CHID1: variants seen among roughly 807,000 people sequenced by gnomAD.
CHID1 encodes chitinase domain containing 1, also known as chitinase domain-containing protein 1.
In CHID1, 44 loss-of-function variants were observed where a neutral mutation model predicts 55.4. The observed-to-expected ratio is 0.79, with a 90% CI of 0.62 to 1.02. CHID1 has a LOEUF of 1.02. Ranked by LOEUF, CHID1 falls within the 50% of genes least tolerant of loss-of-function variation. The pLI, the probability that CHID1 is intolerant of heterozygous loss-of-function variation, is 0.00. For missense variants in CHID1, 491 were observed against 515.3 expected, an observed-to-expected ratio of 0.95 and a Z score of 0.46; for synonymous variants, 216 against 212.9, an observed-to-expected ratio of 1.01 and a Z score of -0.13.
chr11:881,110 T>C (rs1433570951), intron 10 of CHID1, among the ~76,000 whole-genome samples: 1 of 151,998 alleles, frequency 6.6e-6, no homozygotes, highest in East Asian at 1.9e-4. Context: ...AGTAGAGACA[T>C]GGAAGACGTA....
In CHID1 at chr11:904,732, CT is replaced by C. The variant is rs1852083094; in HGVS notation, c.84del (p.Ala29ProfsTer24). On this transcript the variant is annotated frameshift_variant, in exon 2 of 13. Coordinates refer to ENST00000323578, the MANE Select transcript of CHID1 (RefSeq NM_023947.4). LOFTEE classifies it high-confidence loss of function. Reference sequence around the variant, plus strand: ...TTCTCCAGCAGCGTCTTTGAGGCGGCTTTTTTGGCATCTGACTTTGACAGGG... The same window carrying C: ...TTCTCCAGCAGCGTCTTTGAGGCGGCTTTTTGGCATCTGACTTTGACAGGG... The part of the protein sequence containing the change: ...HTTLSKSDAK[K>X]AASKTLLEKS... 6.2e-7 allele frequency: 1 copy of C among 1,614,116 alleles called. No homozygotes were observed. The highest frequency in any genetic ancestry group is 8.5e-7 in the Non-Finnish European group (1 of 1,180,012).
upstream of CHID1, chr11:914,407 G>A (rs1020070394): frequency 4.5e-5 from 31 of 682,650 alleles, no homozygotes; most frequent in Middle Eastern, 3.0e-4. Flanking sequence ...CCTGTCTGCC[G>A]TGGGCATGGG....
intron 3 of CHID1, 40 bp downstream of exon 3, chr11:902,922 C>T (rs1191868294): frequency 6.3e-7 from 1 of 1,593,874 alleles, no homozygotes; most frequent in Non-Finnish European, 8.6e-7. Context: ...CCCACCTGAG[C>T]CTCAGGACCT....
chr11:874,398 G>C (rs553644660), intron 10 of CHID1, among the ~76,000 whole-genome samples: 3 of 152,196 alleles, frequency 2.0e-5, no homozygotes, highest in Non-Finnish European at 4.4e-5. Context: ...GGGAGGTGGA[G>C]GCTACAGTGA....
intron 1 of CHID1, 24 bp downstream of exon 1, chr11:910,751 G>C: frequency 1.7e-6 from 2 of 1,193,434 alleles, no homozygotes; most frequent in Middle Eastern, 2.6e-4. Flanking sequence ...AGGAGGAGCA[G>C]GGGCCGGCCG....
chr11:869,681 A>T lies in CHID1; in HGVS notation c.*177T>A. 1.6e-6 allele frequency: 1 copy of T among 629,580 alleles called. No individual in the cohort carries two copies. Among genetic ancestry groups the T allele is most frequent in the East Asian group, 2.7e-5 (1 of 36,484 alleles). 39.0% of individuals were successfully genotyped at this position (629,580 alleles called of 1,614,324 possible). A position where few individuals can be genotyped will look rare whatever the true frequency, so the allele number is the denominator to read the frequency against. ...TCAGGGTGTCCCCCAGCTAGGACTC[A>T]TCCAGGGCAGGGACCCCTCATGGGA... On this transcript the variant is annotated 3_prime_UTR_variant, in exon 13 of 13. Transcript: ENST00000323578.
intron 5 of CHID1, among the ~76,000 whole-genome samples, chr11:900,476 C>T (rs1851724560): frequency 6.6e-6 from 1 of 152,160 alleles, no homozygotes; most frequent in African/African-American, 2.4e-5. Context: ...GAGTCTCTCC[C>T]TTGGCAACTT....
intron 12 of CHID1, 66 bp downstream of exon 12, chr11:870,055 C>G: frequency 6.2e-7 from 1 of 1,608,942 alleles, no homozygotes; most frequent in South Asian, 1.1e-5. Context: ...GGACCCCAGG[C>G]CAGTGCCTGC....
chr11:870,734 C>T (rs1262281885), intron 10 of CHID1: 3 of 506,778 alleles, frequency 5.9e-6, no homozygotes, highest in Non-Finnish European at 1.1e-5. Context: ...AAGAAGCCAC[C>T]CCACCAAGTC....
rs1848973198 is a variant in CHID1, at chr11:868,167, A to AC, written c.*1690dup. On this transcript the variant is annotated 3_prime_UTR_variant, in exon 13 of 13. Coordinates refer to ENST00000323578, the MANE Select transcript of CHID1 (RefSeq NM_023947.4). ...ACCCTCCCAGACCTGCGTGTCCCCC[A>AC]CCCTCACTCCAACAGAAGCCACAGG... The AC allele has an allele frequency of 2.0e-5, 3 of 146,686 alleles. No homozygotes were observed. The South Asian group carries it at 6.6e-4, about 32-fold the overall frequency. The allele number at this position is 146,686 out of a possible 1,614,324, so 9.1% of individuals were successfully genotyped here.
At position 902,348 on chromosome 11, in the gene CHID1, C is replaced by T. The variant is rs1851882602; in HGVS notation, c.262-18G>A. Reference sequence around the variant, plus strand: ...CTGTTCCACTGGCAAAAGATGGAGACATCAGACGGAGGACAGGTGAGTGAG... The same window carrying T: ...CTGTTCCACTGGCAAAAGATGGAGATATCAGACGGAGGACAGGTGAGTGAG... On this transcript the variant is annotated intron_variant, in intron 3 of 12. Transcript: ENST00000323578. The T allele has an allele frequency of 1.9e-6, 3 of 1,606,992 alleles. No individual in the cohort carries two copies. The highest frequency in any genetic ancestry group is 2.2e-5 in the East Asian group (1 of 44,656).
At chr11:896,919 A>G (rs1352327262) in intron 7 of CHID1, among the ~76,000 whole-genome samples, 1 of 29,828 alleles carries the variant, frequency 3.4e-5, no homozygotes, top group Non-Finnish European at 5.7e-5. Flanking sequence ...CACCCCAGAC[A>G]CGAGCCTGTC....
At position 903,805 on chromosome 11, in the gene CHID1, C is replaced by T. The variant is rs1852004037; in HGVS notation, c.112-694G>A. ...TCAAAAAAAAAAAGAAAAGAACATGCCAGGCACACGCCACCATGCTGGCCA... is the reference window on the plus strand; with the variant it reads ...TCAAAAAAAAAAAGAAAAGAACATGTCAGGCACACGCCACCATGCTGGCCA... On this transcript the variant is annotated intron_variant, in intron 2 of 12. Coordinates refer to ENST00000323578, the MANE Select transcript of CHID1 (RefSeq NM_023947.4). The T allele has an allele frequency of 1.5e-5, 3 of 195,592 alleles. No individual in the cohort carries two copies. The South Asian group carries it at 1.8e-4, about 12-fold the overall frequency. 12.1% of individuals were successfully genotyped at this position (195,592 alleles called of 1,614,324 possible).
At chr11:908,593 AC>A in intron 1 of CHID1, 1 of 985,026 alleles carries the variant, frequency 1.0e-6, no homozygotes, top group Non-Finnish European at 1.2e-6. Flanking sequence ...CCAGTCTTTG[AC>A]CCCAGCCCAT....
intron 8 of CHID1, among the ~76,000 whole-genome samples, chr11:891,960 A>C (rs111458786): frequency 0.43 from 59,268 of 136,864 alleles, 13,782 homozygotes; most frequent in Admixed American, 0.53. Flanking sequence ...AAAAAAAAAA[A>C]CACAAATTAA....
intron 7 of CHID1, among the ~76,000 whole-genome samples, chr11:894,326 G>A (rs1851096974): frequency 6.6e-6 from 1 of 152,134 alleles, no homozygotes; most frequent in South Asian, 2.1e-4. Flanking sequence ...CCCTGGAGGT[G>A]GAGGGGGCAG....
At chr11:911,922 A>G (rs537170874), upstream of CHID1, among the ~76,000 whole-genome samples, 58 of 152,228 alleles carry the variant, frequency 3.8e-4, no homozygotes, top group Non-Finnish European at 7.3e-4. Context: ...TCAGGGACAT[A>G]TGCGCAGTCC....
At chr11:911,112 G>T (rs1852658819), upstream of CHID1, 1 of 152,018 alleles carries the variant, frequency 6.6e-6, no homozygotes, top group Non-Finnish European at 1.5e-5. Flanking sequence ...TGGCGCCCTT[G>T]GCGTGGGGCC....
chr11:882,016 A>C (rs1849981147), intron 10 of CHID1, among the ~76,000 whole-genome samples: 1 of 151,128 alleles, frequency 6.6e-6, no homozygotes, highest in Non-Finnish European at 1.5e-5. Flanking sequence ...AAAAAAAAAA[A>C]AAAAAGAAAA....
Sources: allele counts gnomAD v4.1 joint callset (sites outside exome capture counted in the v4.1 genomes callset), GRCh38; gene constraint gnomAD v4.1.1; transcripts MANE v1.5; gene names NCBI Gene and HGNC (gene_info 2026-07-23, HGNC 2026-07-21).